The following RNF217 variants were observed in gnomAD, a reference collection of about 807,000 sequenced individuals.
RNF217 encodes the protein E3 ubiquitin-protein ligase RNF217.
Under a neutral mutation model 57.8 loss-of-function variants are expected in RNF217, and 31 were observed. That is an observed-to-expected ratio of 0.54 (90% CI 0.40 to 0.72). The LOEUF is 0.72. Among genes scored for constraint, RNF217 ranks in the 30% least tolerant of loss-of-function variants. The probability of loss-of-function intolerance (pLI) is 0.00; values close to 1 mark genes in which losing one functional copy is unlikely to be tolerated. For synonymous variants in RNF217, 313 were observed against 294.0 expected (o/e 1.06, Z -0.66); for missense variants, 696 against 708.3 (o/e 0.98, Z 0.20).
rs189362381 is a variant in RNF217 at position 125,026,284 on chromosome 6, T to C, written c.883-18927T>C. Among the ~76,000 whole-genome samples the C allele has an allele frequency of 8.0e-4, 122 of 152,298 alleles. 1 individual carries two copies. In the Middle Eastern group the frequency reaches 0.014, roughly 17 times the overall value. The stretch of plus-strand genomic sequence containing the variant: ...GGCTCTGCCAGTGACTAACATTGAA[T>C]TAAAGCTTTAGTACTTTCTTTCTGG... On this transcript the variant is annotated intron_variant, in intron 1 of 5. Transcript: ENST00000521654.
At chr6:125,052,981 A>G (rs1246169608) in intron 2 of RNF217, among the ~76,000 whole-genome samples, 1 of 152,100 alleles carries the variant, frequency 6.6e-6, no homozygotes, top group African/African-American at 2.4e-5. Flanking sequence ...AGCTAGCTGA[A>G]GTGACATCTC....
intron 1 of RNF217, among the ~76,000 whole-genome samples, chr6:125,032,361 TTAA>T (rs919098020): frequency 1.3e-5 from 2 of 152,158 alleles, no homozygotes; most frequent in African/African-American, 4.8e-5. Context: ...CCCATAATTC[TTAA>T]TAATCTGTCT....
At position 125,007,322 on chromosome 6, in the gene RNF217, C is replaced by T. The variant is rs547963768; in HGVS notation, c.883-37889C>T. Reference sequence around the variant, plus strand: ...GTGCAGTGGTGCGATCTCGGCTCACCGCAACCTCTGCCTCCTGGGTTCAAG... The same window carrying T: ...GTGCAGTGGTGCGATCTCGGCTCACTGCAACCTCTGCCTCCTGGGTTCAAG... On this transcript the variant is annotated intron_variant, in intron 1 of 5. Transcript: ENST00000521654. Among the ~76,000 whole-genome samples the T allele has an allele frequency of 4.4e-4, 66 of 151,410 alleles. 1 individual carries two copies. The highest frequency in any genetic ancestry group is 2.1e-3 in the South Asian group (10 of 4,758).
chr6:125,072,161 T>C (rs907215709), intron 3 of RNF217, among the ~76,000 whole-genome samples: 1 of 152,200 alleles, frequency 6.6e-6, no homozygotes, highest in African/African-American at 2.4e-5. Flanking sequence ...AAATTACAAC[T>C]TGCTTAGCAA....
At chr6:125,020,092 A>G (rs1401664894) in intron 1 of RNF217, among the ~76,000 whole-genome samples, 1 of 152,046 alleles carries the variant, frequency 6.6e-6, no homozygotes, top group Non-Finnish European at 1.5e-5. Context: ...CAGACTTCCC[A>G]CCCTCAGCAG....
Position 125,050,606 on chromosome 6 carries a change from G to A in RNF217, c.1116+5162G>A, listed in dbSNP as rs770199011. On this transcript the variant is annotated intron_variant, in intron 2 of 5. Coordinates refer to ENST00000521654, the MANE Select transcript of RNF217 (RefSeq NM_001286398.3). ...GTTGCGAACTGGTGTACTTTAAAAC[G>A]TGCTTAACCTTCCTCCTGGTAAAGA... 5.3e-5 allele frequency among the ~76,000 whole-genome samples: 8 copies of A among 151,874 alleles called. 1 individual carries two copies. The highest frequency in any genetic ancestry group is 1.2e-4 in the African/African-American group (5 of 41,376).
chr6:125,031,616 C>T (rs1786364835), intron 1 of RNF217, among the ~76,000 whole-genome samples: 1 of 152,138 alleles, frequency 6.6e-6, no homozygotes, highest in African/African-American at 2.4e-5. Context: ...TGCTCTAATT[C>T]CCAACAAGTT....
rs1469085464 is a variant in RNF217, at chr6:125,085,376, C to A, written c.*2439C>A. 6.6e-6 allele frequency: 1 copy of A among 151,690 alleles called. No individual in the cohort carries two copies. The allele number at this position is 151,690 out of a possible 1,614,324, so 9.4% of individuals were successfully genotyped here. ...TTTTTAAATTAACATACACATTTTT[C>A]TCTTTAAAGGGTCATATCTATTAGG... On this transcript the variant is annotated 3_prime_UTR_variant, in exon 6 of 6. Coordinates refer to ENST00000521654, the MANE Select transcript of RNF217 (RefSeq NM_001286398.3).
chr6:124,970,135 T>TGTTGTA (rs1783707615), intron 1 of RNF217, among the ~76,000 whole-genome samples: 2 of 152,176 alleles, frequency 1.3e-5, no homozygotes, highest in Non-Finnish European at 2.9e-5. Flanking sequence ...TCAGGTATCT[T>TGTTGTA]CATTTCCCTA....
In RNF217 at chr6:124,963,635, A is replaced by G. The variant is rs1238036608; in HGVS notation, c.882+209A>G. 2.0e-5 allele frequency among the ~76,000 whole-genome samples: 3 copies of G among 152,218 alleles called. No homozygotes were observed. The East Asian group carries it at 5.8e-4, about 29-fold the overall frequency. ...GGAATTTAACTTTGCTGTGAACTTC[A>G]GGCTATGGTTGGCATGTGTAGAAGG... is the stretch of plus-strand genomic sequence containing the variant. On this transcript the variant is annotated intron_variant, in intron 1 of 5. Coordinates refer to ENST00000521654, the MANE Select transcript of RNF217 (RefSeq NM_001286398.3).
At chr6:125,078,286 C>G (rs1483456098) in intron 4 of RNF217, among the ~76,000 whole-genome samples, 1 of 152,146 alleles carries the variant, frequency 6.6e-6, no homozygotes, top group African/African-American at 2.4e-5. Context: ...AAGCTGTTTG[C>G]AAATCTGTAT....
At chr6:124,981,587 C>T (rs937833729) in intron 1 of RNF217, among the ~76,000 whole-genome samples, 1 of 152,200 alleles carries the variant, frequency 6.6e-6, no homozygotes, top group Non-Finnish European at 1.5e-5. Context: ...TGCCTTTTTA[C>T]ATAAACAGCA....
intron 1 of RNF217, among the ~76,000 whole-genome samples, chr6:124,997,655 T>C (rs1001229872): frequency 1.3e-5 from 2 of 152,168 alleles, no homozygotes; most frequent in African/African-American, 4.8e-5. Flanking sequence ...CATAGGTCCT[T>C]GGAAACAGCC....
chr6:124,983,204 C>T (rs1260749688), intron 1 of RNF217, among the ~76,000 whole-genome samples: 2 of 152,090 alleles, frequency 1.3e-5, no homozygotes, highest in African/African-American at 4.8e-5. Context: ...TGAGTGGGCC[C>T]ATAACATTTA....
chr6:125,029,592 A>G (rs1164260628), intron 1 of RNF217, among the ~76,000 whole-genome samples: 1 of 152,194 alleles, frequency 6.6e-6, no homozygotes, highest in East Asian at 1.9e-4. Flanking sequence ...TTTAACATCT[A>G]AGAAGGCATT....
intron 1 of RNF217, among the ~76,000 whole-genome samples, chr6:125,036,925 A>C (rs111503177): frequency 0.011 from 1,604 of 149,060 alleles, 39 homozygotes; most frequent in African/African-American, 0.038. Context: ...ATTATAAAGC[A>C]GGAAATAACA....
rs1788874810 is a variant in RNF217, at chr6:125,089,599, A to G, written c.*6662A>G. The G allele has an allele frequency of 6.6e-6, 1 of 152,184 alleles. No homozygotes were observed. The highest frequency in any genetic ancestry group is 2.1e-4 in the South Asian group (1 of 4,828). 9.4% of individuals were successfully genotyped at this position (152,184 alleles called of 1,614,324 possible). A position where few individuals can be genotyped will look rare whatever the true frequency, so the allele number is the denominator to read the frequency against. On this transcript the variant is annotated 3_prime_UTR_variant, in exon 6 of 6. Coordinates refer to ENST00000521654, the MANE Select transcript of RNF217 (RefSeq NM_001286398.3). Reference sequence around the variant, plus strand: ...TTTGACTTTTTTATTGATATGATTTAGATATGCCACACTCAATATATTTAG... The same window carrying G: ...TTTGACTTTTTTATTGATATGATTTGGATATGCCACACTCAATATATTTAG...
chr6:125,035,172 A>G (rs565829730), intron 1 of RNF217, among the ~76,000 whole-genome samples: 1 of 152,242 alleles, frequency 6.6e-6, no homozygotes, highest in East Asian at 1.9e-4. Flanking sequence ...CTCTTTTCCT[A>G]GTTGAATACC....
intron 1 of RNF217, among the ~76,000 whole-genome samples, chr6:124,968,993 G>C (rs934443840): frequency 6.6e-6 from 1 of 152,108 alleles, no homozygotes; most frequent in Admixed American, 6.5e-5. Flanking sequence ...CCATCTTATA[G>C]CCTTGTTGGC....
Sources: allele counts gnomAD v4.1 joint callset (sites outside exome capture counted in the v4.1 genomes callset), GRCh38; gene constraint gnomAD v4.1.1; transcripts MANE v1.5; gene names NCBI Gene and HGNC (gene_info 2026-07-23, HGNC 2026-07-21).